The following COMMD1 variants were observed in gnomAD, a reference collection of about 807,000 sequenced individuals.
COMMD1 encodes copper metabolism domain containing 1, also known as COMM domain-containing protein 1.
Under a neutral mutation model 17.2 loss-of-function variants are expected in COMMD1, and 10 were observed. That is an observed-to-expected ratio of 0.58 (90% CI 0.36 to 0.99). The LOEUF is 0.99. Ranked by LOEUF, COMMD1 falls within the 50% of genes least tolerant of loss-of-function variation. The pLI, the probability that COMMD1 is intolerant of heterozygous loss-of-function variation, is 0.01. For synonymous variants in COMMD1, 97 were observed against 91.6 expected, an observed-to-expected ratio of 1.06 and a Z score of -0.34; for missense variants, 270 against 231.8, an observed-to-expected ratio of 1.17 and a Z score of -1.07.
At chr2:62,071,778 C>T (rs369158934) in intron 2 of COMMD1, among the ~76,000 whole-genome samples, 2 of 152,176 alleles carry the variant, frequency 1.3e-5, no homozygotes, top group Admixed American at 1.3e-4. Context: ...ACTAAATTCC[C>T]AGCCATGATA....
chr2:62,125,732 T>C (rs796898797), intron 2 of COMMD1, among the ~76,000 whole-genome samples: 26 of 152,326 alleles, frequency 1.7e-4, no homozygotes, highest in African/African-American at 6.3e-4. Context: ...CATGTTTCAG[T>C]TGTCCAGGAC....
chr2:61,905,385 T>C (rs1271458245), upstream of COMMD1, among the ~76,000 whole-genome samples: 1 of 152,204 alleles, frequency 6.6e-6, no homozygotes, highest in Non-Finnish European at 1.5e-5. Flanking sequence ...TGCTACCCCA[T>C]CTCCAGTAAT....
chr2:62,010,232 T>C (rs1462208038), intron 2 of COMMD1, among the ~76,000 whole-genome samples: 3 of 152,202 alleles, frequency 2.0e-5, no homozygotes, highest in African/African-American at 7.2e-5. Context: ...TGAATTACCT[T>C]GTCTTTGAAA....
intron 2 of COMMD1, chr2:62,100,394 C>G (rs528027470): frequency 2.0e-5 from 3 of 152,122 alleles, no homozygotes; most frequent in South Asian, 2.1e-4. Flanking sequence ...GACCGTGGCC[C>G]GTGGCACAGC....
chr2:62,123,896 G>A (rs913479081), intron 2 of COMMD1, among the ~76,000 whole-genome samples: 1 of 151,884 alleles, frequency 6.6e-6, no homozygotes, highest in Non-Finnish European at 1.5e-5. Flanking sequence ...CTAGGCTGAG[G>A]GCAGTAGTCC....
intron 2 of COMMD1, among the ~76,000 whole-genome samples, chr2:62,063,827 ATTC>A (rs1269818187): frequency 2.1e-5 from 3 of 142,502 alleles, no homozygotes; most frequent in African/African-American, 7.8e-5. Context: ...AAAGTAATAT[ATTC>A]TTCCAGACTG....
chr2:62,002,491 G>GAAAAAAAAAAAAAAAAAAAAA (rs11310507), intron 2 of COMMD1, among the ~76,000 whole-genome samples: 2 of 35,086 alleles, frequency 5.7e-5, no homozygotes, highest in Admixed American at 5.5e-4. Context: ...GATTCCACCA[G>GAAAAAAAAAAAAAAAAAAAAA]AAAAAAAAAA....
intron 1 of COMMD1, among the ~76,000 whole-genome samples, chr2:61,928,277 C>T (rs937719776): frequency 2.0e-5 from 3 of 152,202 alleles, no homozygotes; most frequent in South Asian, 2.1e-4. Flanking sequence ...TCTCGTGCCT[C>T]AGCCATCTGA....
At chr2:61,953,764 A>G (rs901976191) in intron 1 of COMMD1, among the ~76,000 whole-genome samples, 1 of 152,214 alleles carries the variant, frequency 6.6e-6, no homozygotes, top group Non-Finnish European at 1.5e-5. Context: ...CATACTCTCT[A>G]TACATACAAA....
intron 1 of COMMD1, among the ~76,000 whole-genome samples, chr2:61,996,314 ATGTGTGTGTGTGTGTGTG>A (rs70946774): frequency 7.0e-6 from 1 of 142,314 alleles, no homozygotes; most frequent in African/African-American, 2.7e-5. Context: ...TGTTTTCTAA[ATGTGTGTGTGTGTGTGTG>A]TGTGTGTGTG....
intron 2 of COMMD1, among the ~76,000 whole-genome samples, chr2:62,036,331 A>G (rs2103885554): frequency 6.6e-6 from 1 of 152,380 alleles, no homozygotes; most frequent in East Asian, 1.9e-4. Flanking sequence ...TAAGTAGGGC[A>G]GCTGTTAAAA....
chr2:62,046,099 C>G (rs771699993), intron 2 of COMMD1, among the ~76,000 whole-genome samples: 11 of 152,182 alleles, frequency 7.2e-5, no homozygotes, highest in Non-Finnish European at 1.0e-4. Context: ...TGACCAAGGA[C>G]AGCTTGGAGG....
intron 2 of COMMD1, among the ~76,000 whole-genome samples, chr2:62,131,745 G>A (rs1414666638): frequency 6.6e-6 from 1 of 151,938 alleles, no homozygotes; most frequent in Non-Finnish European, 1.5e-5. Flanking sequence ...GTTTCGCCAT[G>A]TTGCCCAGGC....
intron 1 of COMMD1, among the ~76,000 whole-genome samples, chr2:61,936,742 G>C (rs1449876432): frequency 1.3e-5 from 2 of 152,136 alleles, no homozygotes; most frequent in African/African-American, 4.8e-5. Flanking sequence ...CTTCCATACA[G>C]TTTTTGGAGT....
chr2:61,921,443 T>G (rs1237545567), intron 1 of COMMD1, among the ~76,000 whole-genome samples: 2 of 151,778 alleles, frequency 1.3e-5, no homozygotes, highest in African/African-American at 2.4e-5. Flanking sequence ...TATTATTTTG[T>G]TTTTGTTTTT....
chr2:61,920,406 A>T (rs1670158966), intron 1 of COMMD1, among the ~76,000 whole-genome samples: 1 of 152,114 alleles, frequency 6.6e-6, no homozygotes, highest in South Asian at 2.1e-4. Flanking sequence ...GGAAAGAAAG[A>T]ACATACTTTT....
intron 1 of COMMD1, among the ~76,000 whole-genome samples, chr2:61,913,947 G>A (rs779008830): frequency 2.6e-5 from 4 of 152,014 alleles, no homozygotes; most frequent in Non-Finnish European, 4.4e-5. Context: ...TGAAGTGGGC[G>A]GATCATGAGG....
intron 2 of COMMD1, among the ~76,000 whole-genome samples, chr2:62,042,928 CT>C: frequency 6.6e-6 from 1 of 152,324 alleles, no homozygotes; most frequent in South Asian, 2.1e-4. Flanking sequence ...GAAATAACGT[CT>C]TTTATTTTTA....
At chr2:61,922,825 C>T (rs937891161) in intron 1 of COMMD1, among the ~76,000 whole-genome samples, 1 of 152,206 alleles carries the variant, frequency 6.6e-6, no homozygotes, top group Non-Finnish European at 1.5e-5. Context: ...AAGGGGGACA[C>T]ACATCTGTTT....
Sources: gnomAD v4.1 joint callset for allele counts (sites outside exome capture counted in the v4.1 genomes callset) on GRCh38, gnomAD v4.1.1 for gene constraint, MANE v1.5 for transcripts, NCBI Gene and HGNC (gene_info 2026-07-23, HGNC 2026-07-21) for gene names.